The following KCND3 variants were observed in gnomAD, a reference collection of about 807,000 sequenced individuals.
The protein encoded by KCND3 is potassium voltage-gated channel subfamily D member 3.
A neutral mutation model predicts 51.1 loss-of-function variants in KCND3; 9 were observed. That is an observed-to-expected ratio of 0.18 (90% CI 0.11 to 0.31). KCND3 has a LOEUF of 0.31. KCND3 is among the 10% of genes least tolerant of loss of function. The probability of loss-of-function intolerance (pLI) is 1.00; values close to 1 mark genes in which losing one functional copy is unlikely to be tolerated. For missense variants in KCND3, 526 were observed against 903.8 expected (o/e 0.58, Z 5.36); for synonymous variants, 349 against 368.0 (o/e 0.95, Z 0.59).
In KCND3 at chr1:111,872,043, AAAT is replaced by A. The variant is rs1253017309; in HGVS notation, c.1107-84940_1107-84938del. ...CCAAAGGTAGATTAAAAAGAGCCAG[AAAT>A]AATAATAACAAAGATACTAAAAATA... On this transcript the variant is annotated intron_variant, in intron 2 of 7. Transcript: ENST00000302127. 1.2e-4 allele frequency among the ~76,000 whole-genome samples: 19 copies of A among 152,356 alleles called. 1 individual carries two copies. Among genetic ancestry groups the A allele is most frequent in the African/African-American group, 4.1e-4 (17 of 41,582 alleles).
chr1:111,829,203 C>G (rs947833349), intron 2 of KCND3, among the ~76,000 whole-genome samples: 1 of 152,086 alleles, frequency 6.6e-6, no homozygotes, highest in East Asian at 1.9e-4. Flanking sequence ...TGTGGTTGTG[C>G]GGTTGCAGGG....
intron 2 of KCND3, among the ~76,000 whole-genome samples, chr1:111,850,540 GC>G (rs1014636730): frequency 1.3e-4 from 20 of 152,206 alleles, no homozygotes; most frequent in Admixed American, 4.6e-4. Flanking sequence ...CACTCTGGGA[GC>G]CTAACATGTA....
At chr1:111,832,615 T>C (rs1010391509) in intron 2 of KCND3, among the ~76,000 whole-genome samples, 5 of 152,170 alleles carry the variant, frequency 3.3e-5, no homozygotes, top group Admixed American at 6.5e-5. Context: ...TCCTGCTGGT[T>C]ACCTAGACTC....
intron 2 of KCND3, among the ~76,000 whole-genome samples, chr1:111,881,114 C>G (rs1195823778): frequency 1.3e-5 from 2 of 152,330 alleles, no homozygotes; most frequent in African/African-American, 4.8e-5. Context: ...GGGGCGGCCC[C>G]CCTCCAGGTC....
intron 2 of KCND3, among the ~76,000 whole-genome samples, chr1:111,863,237 C>T (rs1025785016): frequency 1.3e-5 from 2 of 152,040 alleles, no homozygotes; most frequent in Non-Finnish European, 2.9e-5. Flanking sequence ...TTCAAGGTCA[C>T]CCAGACTGAC....
chr1:111,781,612 T>C (rs1274656476), intron 3 of KCND3, among the ~76,000 whole-genome samples: 6 of 152,022 alleles, frequency 3.9e-5, no homozygotes, highest in Admixed American at 3.9e-4. Flanking sequence ...CTCTGCCTCC[T>C]GGGTTCAAGC....
At chr1:111,920,690 A>G (rs140105116) in intron 2 of KCND3, among the ~76,000 whole-genome samples, 1 of 152,160 alleles carries the variant, frequency 6.6e-6, no homozygotes, top group African/African-American at 2.4e-5. Context: ...TCCACTCCAC[A>G]TGCTCTGCGG....
At chr1:111,776,485 GA>G (rs2101453460) in intron 7 of KCND3, among the ~76,000 whole-genome samples, 1 of 152,320 alleles carries the variant, frequency 6.6e-6, no homozygotes, top group Admixed American at 6.5e-5. Context: ...AGTAGGCTTT[GA>G]ATTGCAGAAT....
At chr1:111,912,921 T>C (rs1369712060) in intron 2 of KCND3, among the ~76,000 whole-genome samples, 1 of 152,196 alleles carries the variant, frequency 6.6e-6, no homozygotes, top group Admixed American at 6.5e-5. Flanking sequence ...CTAAGTTTAA[T>C]TTATTATTGA....
chr1:111,989,567 G>A lies in KCND3; in HGVS notation c.-135C>T, dbSNP rs1163909731. 2.7e-5 allele frequency among the ~76,000 whole-genome samples: 4 copies of A among 148,750 alleles called. No individual in the cohort carries two copies. Among genetic ancestry groups the A allele is most frequent in the Non-Finnish European group, 4.5e-5 (3 of 66,846 alleles). ...CCGCGCGCGCGAGGAAGCTGCGGCC[G>A]GGAGCCGGGGCCGCGGAGGCGCCGA... On this transcript the variant is annotated 5_prime_UTR_variant, in exon 1 of 8. Coordinates refer to ENST00000302127, the MANE Select transcript of KCND3 (RefSeq NM_001378969.1).
intron 2 of KCND3, among the ~76,000 whole-genome samples, chr1:111,953,952 T>C (rs765782006): frequency 2.0e-5 from 3 of 152,098 alleles, no homozygotes; most frequent in Non-Finnish European, 4.4e-5. Flanking sequence ...CCGACCTCTA[T>C]GGACATCATC....
intron 2 of KCND3, among the ~76,000 whole-genome samples, chr1:111,815,519 C>G (rs182683115): frequency 6.7e-6 from 1 of 150,072 alleles, no homozygotes; most frequent in Non-Finnish European, 1.5e-5. Flanking sequence ...CCCCTGCCAT[C>G]CCCCAGTTGA....
chr1:111,783,951 T>C (rs1168870151), intron 3 of KCND3, among the ~76,000 whole-genome samples: 2 of 152,148 alleles, frequency 1.3e-5, no homozygotes, highest in Non-Finnish European at 2.9e-5. Context: ...AATTAAAACA[T>C]TTATAAATGA....
intron 2 of KCND3, among the ~76,000 whole-genome samples, chr1:111,934,569 T>C (rs1672129505): frequency 6.6e-6 from 1 of 152,210 alleles, no homozygotes; most frequent in African/African-American, 2.4e-5. Flanking sequence ...CTCGTGTATG[T>C]TCTGGAAAAG....
chr1:111,851,086 ACTC>A (rs1236917315), intron 2 of KCND3, among the ~76,000 whole-genome samples: 6 of 151,722 alleles, frequency 4.0e-5, no homozygotes, highest in Admixed American at 3.3e-4. Flanking sequence ...TTATCTGACA[ACTC>A]CTAATCATCC....
chr1:111,915,535 G>C (rs1671157673), intron 2 of KCND3, among the ~76,000 whole-genome samples: 1 of 151,918 alleles, frequency 6.6e-6, no homozygotes, highest in South Asian at 2.1e-4. Flanking sequence ...GGAGGATCAC[G>C]AGGTCAGGAG....
chr1:111,979,964 C>T (rs1304678313), intron 2 of KCND3, among the ~76,000 whole-genome samples: 1 of 152,128 alleles, frequency 6.6e-6, no homozygotes, highest in Admixed American at 6.5e-5. Flanking sequence ...AGGAGCTTGA[C>T]TAGAAGTGGA....
chr1:111,868,190 G>C (rs1668662715), intron 2 of KCND3, among the ~76,000 whole-genome samples: 1 of 152,140 alleles, frequency 6.6e-6, no homozygotes, highest in Non-Finnish European at 1.5e-5. Context: ...TTAAGTCGTG[G>C]GCTGCTCTGA....
At chr1:111,916,875 C>T (rs960472405) in intron 2 of KCND3, among the ~76,000 whole-genome samples, 8 of 152,178 alleles carry the variant, frequency 5.3e-5, no homozygotes, top group African/African-American at 1.9e-4. Flanking sequence ...CTGGAATAGC[C>T]CTATATCTAT....
Sources: gnomAD v4.1 joint callset for allele counts (sites outside exome capture counted in the v4.1 genomes callset) on GRCh38, gnomAD v4.1.1 for gene constraint, MANE v1.5 for transcripts, NCBI Gene and HGNC (gene_info 2026-07-23, HGNC 2026-07-21) for gene names.